The following EML4 variants were observed in gnomAD, a reference collection of about 807,000 sequenced individuals.
EML4 encodes echinoderm microtubule-associated protein-like 4.
EML4 carries 72 observed loss-of-function variants against 129.0 expected under a neutral mutation model. The ratio of observed to expected loss-of-function variants is 0.56; its 90% confidence interval spans 0.46 to 0.68. The LOEUF is 0.68. EML4 is among the 30% of genes least tolerant of loss of function. The pLI is 0.00. For missense variants in EML4, 1,363 were observed against 1,190.6 expected, an observed-to-expected ratio of 1.14 and a Z score of -2.13; for synonymous variants, 532 against 405.0, an observed-to-expected ratio of 1.31 and a Z score of -3.77.
At chr2:42,224,385 T>G (rs1412300604) in intron 1 of EML4, among the ~76,000 whole-genome samples, 1 of 152,194 alleles carries the variant, frequency 6.6e-6, no homozygotes, top group East Asian at 1.9e-4. Context: ...CACTGTTTCG[T>G]TCTTTTTTAT....
At chr2:42,180,770 T>G (rs1670889357) in intron 1 of EML4, among the ~76,000 whole-genome samples, 1 of 152,254 alleles carries the variant, frequency 6.6e-6, no homozygotes, top group South Asian at 2.1e-4. Context: ...CCATTCTAGT[T>G]TCACTAATTG....
intron 10 of EML4, 45 bp downstream of exon 10, chr2:42,286,424 C>A: frequency 8.3e-7 from 1 of 1,206,520 alleles, no homozygotes; most frequent in Non-Finnish European, 1.2e-6. Context: ...AACAAAAAAG[C>A]AGGAAAGAAG....
chr2:42,197,433 C>T (rs1419424450), intron 1 of EML4, among the ~76,000 whole-genome samples: 2 of 151,798 alleles, frequency 1.3e-5, no homozygotes, highest in East Asian at 3.9e-4. Flanking sequence ...TAGATATAGG[C>T]AATAAAAATC....
chr2:42,178,275 G>A (rs530626645), intron 1 of EML4, among the ~76,000 whole-genome samples: 8 of 152,124 alleles, frequency 5.3e-5, no homozygotes, highest in African/African-American at 1.9e-4. Context: ...AGGTGGTATA[G>A]CTCACACCTA....
chr2:42,177,788 G>T (rs1408666733), intron 1 of EML4, among the ~76,000 whole-genome samples: 1 of 152,136 alleles, frequency 6.6e-6, no homozygotes, highest in Non-Finnish European at 1.5e-5. Context: ...AATGGTTTTT[G>T]AAATCAGTTT....
chr2:42,293,206 T>C (rs1013274895), intron 11 of EML4, among the ~76,000 whole-genome samples: 1 of 151,936 alleles, frequency 6.6e-6, no homozygotes, highest in Non-Finnish European at 1.5e-5. Flanking sequence ...ACTCCTGGGC[T>C]CAAATGAATC....
intron 1 of EML4, among the ~76,000 whole-genome samples, chr2:42,241,902 T>A (rs1218448854): frequency 6.6e-6 from 1 of 151,508 alleles, no homozygotes; most frequent in Non-Finnish European, 1.5e-5. Context: ...GTAATAAATA[T>A]GAAAGGCACA....
At chr2:42,217,473 A>T (rs1273827401) in intron 1 of EML4, among the ~76,000 whole-genome samples, 2 of 152,212 alleles carry the variant, frequency 1.3e-5, no homozygotes, top group African/African-American at 4.8e-5. Flanking sequence ...GTGGAAACAG[A>T]TGGTTACTGT....
chr2:42,278,123 T>G (rs913515571), intron 6 of EML4, among the ~76,000 whole-genome samples: 9 of 152,230 alleles, frequency 5.9e-5, no homozygotes, highest in Non-Finnish European at 1.2e-4. Context: ...TTCCCATGTA[T>G]TTGTACTAAG....
intron 11 of EML4, among the ~76,000 whole-genome samples, chr2:42,294,510 A>G (rs1325209628): frequency 1.3e-5 from 2 of 152,182 alleles, no homozygotes; most frequent in Admixed American, 1.3e-4. Context: ...AGCCTAGCCA[A>G]CATGGTGAAA....
chr2:42,212,744 G>A lies in EML4; in HGVS notation c.26-32761G>A, dbSNP rs148069603. ...TTCTATATCTTTATCACATTTTCCA[G>A]TGTTTCTCCCAGGGCACCACAGTAC... On this transcript the variant is annotated intron_variant, in intron 1 of 22. Transcript: ENST00000318522. Among the ~76,000 whole-genome samples, 4 of 152,266 alleles carry A rather than the reference G, an allele frequency of 2.6e-5. No homozygotes were observed. The East Asian group carries it at 7.7e-4, about 29-fold the overall frequency.
At chr2:42,171,550 T>C (rs897533427) in intron 1 of EML4, among the ~76,000 whole-genome samples, 1 of 152,236 alleles carries the variant, frequency 6.6e-6, no homozygotes, top group African/African-American at 2.4e-5. Context: ...TGAAGATGAA[T>C]TGCAGTTGGG....
At chr2:42,183,029 T>A (rs2719128) in intron 1 of EML4, among the ~76,000 whole-genome samples, 2 of 151,864 alleles carry the variant, frequency 1.3e-5, no homozygotes, top group African/African-American at 4.8e-5. Flanking sequence ...GGTGGTGCAC[T>A]CCTGTGATAC....
intron 2 of EML4, among the ~76,000 whole-genome samples, chr2:42,249,564 T>A (rs1300336834): frequency 6.6e-6 from 1 of 152,214 alleles, no homozygotes; most frequent in Non-Finnish European, 1.5e-5. Context: ...TCATCAGATA[T>A]GACCAAAAGT....
chr2:42,296,349 T>G (rs938458475), intron 13 of EML4, among the ~76,000 whole-genome samples: 2 of 151,964 alleles, frequency 1.3e-5, no homozygotes, highest in East Asian at 3.9e-4. Context: ...AAAAAAAAAG[T>G]AAGAAAGGAG....
intron 1 of EML4, among the ~76,000 whole-genome samples, chr2:42,184,658 C>G (rs78163633): frequency 0.011 from 1,704 of 152,180 alleles, 32 homozygotes; most frequent in African/African-American, 0.038. Context: ...CTTACTAATT[C>G]CTGTTTATCC....
intron 6 of EML4, among the ~76,000 whole-genome samples, chr2:42,279,124 A>G (rs553899978): frequency 2.0e-5 from 3 of 152,082 alleles, no homozygotes; most frequent in Non-Finnish European, 2.9e-5. Context: ...TCTTGAGGTC[A>G]TGTTTTTGTT....
intron 1 of EML4, among the ~76,000 whole-genome samples, chr2:42,182,395 T>C (rs1671001380): frequency 6.7e-6 from 1 of 149,904 alleles, no homozygotes; most frequent in Non-Finnish European, 1.5e-5. Context: ...GTGCCGACAT[T>C]CTCATCCCAC....
Position 42,260,514 on chromosome 2 carries a change from AT to A in EML4, c.339-600del, listed in dbSNP as rs1360548013. 2.0e-5 allele frequency among the ~76,000 whole-genome samples: 3 copies of A among 150,606 alleles called. No individual in the cohort carries two copies. The South Asian group carries it at 6.3e-4, about 32-fold the overall frequency. On this transcript the variant is annotated intron_variant, in intron 3 of 22. Transcript: ENST00000318522. Reference sequence around the variant, plus strand: ...GTCACTCACACTAAATTTAACAGCAATTTTTTTGATAACTCATTTTTTTTGT... The same window carrying A: ...GTCACTCACACTAAATTTAACAGCAATTTTTTGATAACTCATTTTTTTTGT...
Sources: allele counts gnomAD v4.1 joint callset (sites outside exome capture counted in the v4.1 genomes callset), GRCh38; gene constraint gnomAD v4.1.1; transcripts MANE v1.5; gene names NCBI Gene and HGNC (gene_info 2026-07-23, HGNC 2026-07-21).